The following PCDHGA7 variants were observed in gnomAD, a reference collection of about 807,000 sequenced individuals.
PCDHGA7 encodes protocadherin gamma subfamily A, 7.
In PCDHGA7, 44 loss-of-function variants were observed where a neutral mutation model predicts 58.3. The ratio of observed to expected loss-of-function variants is 0.75; its 90% CI spans 0.59 to 0.97. The LOEUF is 0.97. Among genes scored for constraint, PCDHGA7 ranks in the 50% least tolerant of loss-of-function variants. The probability of loss-of-function intolerance (pLI) is 0.00; values close to 1 mark genes in which losing one functional copy is unlikely to be tolerated. For synonymous variants in PCDHGA7, 516 were observed against 504.2 expected, an observed-to-expected ratio of 1.02 and a Z score of -0.31; for missense variants, 1,266 against 1,188.7, an observed-to-expected ratio of 1.06 and a Z score of -0.96.
Position 141,487,229 on chromosome 5 carries a change from G to A in PCDHGA7, c.2425-7578G>A. On this transcript the variant is annotated intron_variant, in intron 1 of 3. Coordinates refer to ENST00000518325, the MANE Select transcript of PCDHGA7 (RefSeq NM_018920.4). The surrounding 1 kb of genome is among the most constrained non-coding windows in gnomAD (Gnocchi z 5.0). ...AGAATCTTCAGCTCCAAGGGAAGGA[G>A]AATCTCGTCTAACCCTCTACTTGGC... is the stretch of plus-strand genomic sequence containing the variant. The A allele has an allele frequency of 6.2e-7, 1 of 1,614,138 alleles. No individual in the cohort carries two copies. The highest frequency in any genetic ancestry group is 8.5e-7 in the Non-Finnish European group (1 of 1,179,994).
chr5:141,418,941 C>G, intron 1 of PCDHGA7: 1 of 1,614,034 alleles, frequency 6.2e-7, no homozygotes, highest in East Asian at 2.2e-5. Flanking sequence ...GAGGATTCCC[C>G]TCCAGGAGTG....
chr5:141,384,755 T>C lies in PCDHGA7; in HGVS notation c.1856T>C (p.Val619Ala), dbSNP rs1780456507. Reference sequence around the variant, plus strand: ...GCCAGCGAGCCAGGACTCTTTGCGGTTGGGCTGTACACGGGCGAGGTGCGC... The same window carrying C: ...GCCAGCGAGCCAGGACTCTTTGCGGCTGGGCTGTACACGGGCGAGGTGCGC... The part of the protein sequence containing the change: ...LKASEPGLFA[V>A]GLYTGEVRTA... The change falls in exon 1 of 4, where the codon GTT becomes GCT. Residue 619 changes from valine to alanine, a missense_variant. Val to Ala is a moderately conservative substitution (Grantham distance 64, BLOSUM62 0). Coordinates refer to ENST00000518325, the MANE Select transcript of PCDHGA7 (RefSeq NM_018920.4). 1 of 1,613,938 alleles carries C rather than the reference T, an allele frequency of 6.2e-7. No individual in the cohort carries two copies. The highest frequency in any genetic ancestry group is 1.1e-5 in the South Asian group (1 of 91,086).
rs2096144450 is a variant in PCDHGA7 at position 141,417,665 on chromosome 5, T to C, written c.2424+32342T>C. On this transcript the variant is annotated intron_variant, in intron 1 of 3. Coordinates refer to ENST00000518325, the MANE Select transcript of PCDHGA7 (RefSeq NM_018920.4). ...CCTCAGCCTCTAGCCTGGGATTCCCTGCGCAGCCAACAACAGAAAAGAAAA... is the reference window on the plus strand; with the variant it reads ...CCTCAGCCTCTAGCCTGGGATTCCCCGCGCAGCCAACAACAGAAAAGAAAA... 3.3e-6 allele frequency: 3 copies of C among 915,730 alleles called. No individual in the cohort carries two copies. In the South Asian group the frequency reaches 5.8e-5, roughly 18 times the overall value. 56.7% of individuals were successfully genotyped at this position (915,730 alleles called of 1,614,324 possible).
intron 1 of PCDHGA7, chr5:141,424,529 A>G (rs1308118953): frequency 6.6e-6 from 1 of 152,218 alleles, no homozygotes; most frequent in Non-Finnish European, 1.5e-5. Context: ...AAATCCATAT[A>G]TAGAAATAAC....
intron 1 of PCDHGA7, chr5:141,430,707 CT>C: frequency 6.8e-7 from 1 of 1,478,562 alleles, no homozygotes; most frequent in Non-Finnish European, 9.0e-7. Context: ...GGAACTGCTC[CT>C]GACTTCAGTG....
intron 2 of PCDHGA7, among the ~76,000 whole-genome samples, chr5:141,498,191 A>G (rs2099782212): frequency 6.6e-6 from 1 of 152,270 alleles, no homozygotes; most frequent in African/African-American, 2.4e-5. Flanking sequence ...CAAATTAACC[A>G]GCTAAAGAAA....
intron 1 of PCDHGA7, chr5:141,394,886 C>CT: frequency 1.9e-6 from 3 of 1,613,890 alleles, no homozygotes; most frequent in Non-Finnish European, 2.5e-6. Context: ...GCCTTACACT[C>CT]TATCTCGTGG....
intron 2 of PCDHGA7, among the ~76,000 whole-genome samples, chr5:141,504,238 G>A (rs1043662594): frequency 2.0e-5 from 3 of 152,228 alleles, no homozygotes; most frequent in African/African-American, 7.2e-5. Flanking sequence ...CTAAGAAGCA[G>A]AGAGTTCTTC....
Position 141,474,403 on chromosome 5 carries a change from C to T in PCDHGA7, c.2425-20404C>T, listed in dbSNP as rs553745731. ...ATTTCTGCATTTCTAACAAGCTCCC[C>T]GGTGATGCCTAGACCATTGGTCCTC... is the stretch of plus-strand genomic sequence containing the variant. On this transcript the variant is annotated intron_variant, in intron 1 of 3. Coordinates refer to ENST00000518325, the MANE Select transcript of PCDHGA7 (RefSeq NM_018920.4). Among the ~76,000 whole-genome samples, 121 of 152,282 alleles carry T rather than the reference C, an allele frequency of 7.9e-4. 1 individual carries two copies. Among genetic ancestry groups the T allele is most frequent in the Admixed American group, 3.9e-3 (59 of 15,292 alleles).
intron 1 of PCDHGA7, chr5:141,419,779 GC>G: frequency 1.2e-6 from 2 of 1,614,064 alleles, no homozygotes; most frequent in African/African-American, 2.7e-5. Context: ...CGGTCCGCCA[GC>G]GCCTGCTAGT....
Position 141,432,732 on chromosome 5 carries a change from T to G in PCDHGA7, c.2424+47409T>G, listed in dbSNP as rs1300743675. 2.5e-6 allele frequency: 4 copies of G among 1,613,940 alleles called. No individual in the cohort carries two copies. Among genetic ancestry groups the G allele is most frequent in the Non-Finnish European group, 3.4e-6 (4 of 1,179,992 alleles). On this transcript the variant is annotated intron_variant, in intron 1 of 3. Coordinates refer to ENST00000518325, the MANE Select transcript of PCDHGA7 (RefSeq NM_018920.4). This position sits in a 1 kb window ranked among gnomAD's most constrained non-coding sequence, Gnocchi z 6.0. ...GGCCAGCCCCCTCTCTCCGCCACTG[T>G]CACGCTCACCGTGGCCGTGGCCGAC...
chr5:141,418,434 C>T, intron 1 of PCDHGA7: 5 of 1,613,944 alleles, frequency 3.1e-6, no homozygotes, highest in Non-Finnish European at 4.2e-6. Context: ...GGCAAATATC[C>T]AGAATTAGTA....
chr5:141,455,055 G>T (rs1019622889), intron 1 of PCDHGA7, among the ~76,000 whole-genome samples: 1 of 151,602 alleles, frequency 6.6e-6, no homozygotes, highest in African/African-American at 2.4e-5. Flanking sequence ...CTCGTGATCC[G>T]CCCGCCTCGG....
At chr5:141,430,902 T>C (rs373775073) in intron 1 of PCDHGA7, 4 of 1,606,232 alleles carry the variant, frequency 2.5e-6, no homozygotes, top group Admixed American at 3.4e-5. Context: ...GTGGGCGACA[T>C]CTCCAGGGAC....
intron 1 of PCDHGA7, chr5:141,389,148 G>A (rs749167212): frequency 6.2e-7 from 1 of 1,613,996 alleles, no homozygotes. Context: ...AACCGTTACG[G>A]CAACAGATCG....
intron 1 of PCDHGA7, chr5:141,389,509 C>T: frequency 6.2e-7 from 1 of 1,613,118 alleles, no homozygotes; most frequent in Non-Finnish European, 8.5e-7. Flanking sequence ...GCGCTCAGCG[C>T]GAACGTGAGC....
At chr5:141,422,597 C>T in intron 1 of PCDHGA7, 1 of 1,614,102 alleles carries the variant, frequency 6.2e-7, no homozygotes, top group Non-Finnish European at 8.5e-7. Context: ...CCTCACTCCT[C>T]TTACTCTGCC....
rs752011641 is a variant in PCDHGA7 at position 141,490,299 on chromosome 5, C to T, written c.2425-4508C>T. 1.2e-6 allele frequency: 2 copies of T among 1,614,068 alleles called. No homozygotes were observed. Among genetic ancestry groups the T allele is most frequent in the East Asian group, 2.2e-5 (1 of 44,896 alleles). Reference sequence around the variant, plus strand: ...ACAATGCCCCAGAGGTGCTATTGGCCTCTTTGGCCAACCCTGTCCTAGAGA... The same window carrying T: ...ACAATGCCCCAGAGGTGCTATTGGCTTCTTTGGCCAACCCTGTCCTAGAGA... On this transcript the variant is annotated intron_variant, in intron 1 of 3. Coordinates refer to ENST00000518325, the MANE Select transcript of PCDHGA7 (RefSeq NM_018920.4). The surrounding 1 kb of genome is among the most constrained non-coding windows in gnomAD (Gnocchi z 5.4).
At chr5:141,430,947 G>T (rs1169662602) in intron 1 of PCDHGA7, 1 of 1,610,002 alleles carries the variant, frequency 6.2e-7, no homozygotes, top group Non-Finnish European at 8.5e-7. Flanking sequence ...GCGGAGCGCG[G>T]AGTCCGCATC....
Sources: allele counts gnomAD v4.1 joint callset (sites outside exome capture counted in the v4.1 genomes callset), GRCh38; gene constraint gnomAD v4.1.1; non-coding constraint Gnocchi (gnomAD v3.1); transcripts MANE v1.5; gene names NCBI Gene and HGNC (gene_info 2026-07-23, HGNC 2026-07-21).